PDGFD: variants seen among roughly 807,000 people sequenced by gnomAD.
PDGFD encodes the protein platelet-derived growth factor D.
In PDGFD, 30 loss-of-function variants were observed where a neutral mutation model predicts 44.7. The ratio of observed to expected loss-of-function variants is 0.67; its 90% CI spans 0.50 to 0.91. PDGFD has a LOEUF of 0.91. Among genes scored for constraint, PDGFD ranks in the 40% least tolerant of loss-of-function variants. The probability of loss-of-function intolerance (pLI) is 0.00; values close to 1 mark genes in which losing one functional copy is unlikely to be tolerated. For missense variants in PDGFD, 445 were observed against 457.8 expected (o/e 0.97, Z 0.25); for synonymous variants, 173 against 168.4 (o/e 1.03, Z -0.21).
intron 1 of PDGFD, among the ~76,000 whole-genome samples, chr11:104,023,104 T>C (rs371368695): frequency 2.1e-4 from 32 of 152,170 alleles, no homozygotes; most frequent in Non-Finnish European, 4.3e-4. Context: ...CAGGGTGAAA[T>C]GTTCCACTTT....
intron 1 of PDGFD, among the ~76,000 whole-genome samples, chr11:104,084,899 A>G (rs1861107268): frequency 7.1e-6 from 1 of 141,576 alleles, no homozygotes; most frequent in Admixed American, 7.0e-5. Flanking sequence ...AACATGTAAT[A>G]CAATGTATAT....
At chr11:103,943,004 G>A (rs940624165) in intron 5 of PDGFD, among the ~76,000 whole-genome samples, 19 of 151,920 alleles carry the variant, frequency 1.3e-4, no homozygotes, top group African/African-American at 4.8e-5. Context: ...TATCTTTCAC[G>A]GGACCAAACC....
chr11:104,008,288 T>C (rs368303131), intron 1 of PDGFD, among the ~76,000 whole-genome samples: 2 of 148,708 alleles, frequency 1.3e-5, no homozygotes, highest in Non-Finnish European at 3.0e-5. Context: ...ATAGATAAGA[T>C]TAAACAATGC....
At chr11:103,956,745 A>G (rs1330717644) in intron 3 of PDGFD, among the ~76,000 whole-genome samples, 2 of 151,966 alleles carry the variant, frequency 1.3e-5, no homozygotes, top group Non-Finnish European at 2.9e-5. Context: ...CTTTTTAATG[A>G]TTGCCATTCT....
chr11:104,057,430 A>G (rs1339167892), intron 1 of PDGFD, among the ~76,000 whole-genome samples: 3 of 152,176 alleles, frequency 2.0e-5, no homozygotes, highest in Non-Finnish European at 2.9e-5. Context: ...AGGAACAGAA[A>G]AACAAATACC....
chr11:104,070,907 C>T (rs1230049201), intron 1 of PDGFD, among the ~76,000 whole-genome samples: 5 of 152,010 alleles, frequency 3.3e-5, no homozygotes, highest in African/African-American at 4.8e-5. Context: ...GAATAAATTT[C>T]TGACAAACAG....
chr11:104,060,912 A>T (rs1860703996), intron 1 of PDGFD, among the ~76,000 whole-genome samples: 1 of 152,194 alleles, frequency 6.6e-6, no homozygotes, highest in Non-Finnish European at 1.5e-5. Flanking sequence ...TATTAATTAC[A>T]TTTACAATGT....
intron 1 of PDGFD, among the ~76,000 whole-genome samples, chr11:104,103,016 C>G (rs1275651453): frequency 6.6e-6 from 1 of 152,112 alleles, no homozygotes; most frequent in African/African-American, 2.4e-5. Flanking sequence ...CAACAAGGCA[C>G]ATGTATACAT....
intron 1 of PDGFD, among the ~76,000 whole-genome samples, chr11:104,041,124 C>T (rs1378315304): frequency 1.3e-5 from 2 of 151,992 alleles, no homozygotes; most frequent in African/African-American, 4.8e-5. Flanking sequence ...GTAGGCAGGA[C>T]TCAGAATATA....
intron 1 of PDGFD, among the ~76,000 whole-genome samples, chr11:104,114,224 G>C (rs1184372982): frequency 6.6e-6 from 1 of 151,878 alleles, no homozygotes; most frequent in Non-Finnish European, 1.5e-5. Context: ...TTAGAATTTT[G>C]CATTTTACAT....
At chr11:104,151,017 T>C (rs1862236691) in intron 1 of PDGFD, among the ~76,000 whole-genome samples, 1 of 152,184 alleles carries the variant, frequency 6.6e-6, no homozygotes, top group Non-Finnish European at 1.5e-5. Context: ...TATATAACAT[T>C]TTGCAATTTT....
chr11:104,062,733 G>A (rs1860733674), intron 1 of PDGFD, among the ~76,000 whole-genome samples: 1 of 152,076 alleles, frequency 6.6e-6, no homozygotes, highest in Non-Finnish European at 1.5e-5. Flanking sequence ...ACTTCCTGGC[G>A]ACAAACAGGG....
intron 5 of PDGFD, among the ~76,000 whole-genome samples, chr11:103,931,636 G>C (rs867844922): frequency 6.6e-6 from 1 of 152,010 alleles, no homozygotes; most frequent in Admixed American, 6.6e-5. Context: ...GCCCAGGCTG[G>C]AGTGCAGTGG....
In PDGFD at chr11:104,114,867, T is replaced by C. The variant is rs895916997; in HGVS notation, c.124+48937A>G. On this transcript the variant is annotated intron_variant, in intron 1 of 6. Coordinates refer to ENST00000393158, the MANE Select transcript of PDGFD (RefSeq NM_025208.5). ...TTTTGGGAAGTGCTAATTTAAATCA[T>C]AACATTTTTAGGTTTTTTTTTTTGT... is the stretch of plus-strand genomic sequence containing the variant. Among the ~76,000 whole-genome samples, 6 of 151,356 alleles carry C rather than the reference T, an allele frequency of 4.0e-5. No homozygotes were observed. The East Asian group carries it at 1.2e-3, about 30-fold the overall frequency.
chr11:104,157,461 A>G (rs768854281), intron 1 of PDGFD, among the ~76,000 whole-genome samples: 9 of 152,166 alleles, frequency 5.9e-5, no homozygotes. Flanking sequence ...CATAATGGCC[A>G]AGCTCCCTTA....
At chr11:104,138,666 T>C (rs896274786) in intron 1 of PDGFD, among the ~76,000 whole-genome samples, 2 of 152,214 alleles carry the variant, frequency 1.3e-5, no homozygotes, top group Admixed American at 6.5e-5. Flanking sequence ...CAGATGCACA[T>C]CTTCAGTTCA....
chr11:104,037,045 C>G, intron 1 of PDGFD: 1 of 1,614,260 alleles, frequency 6.2e-7, no homozygotes, highest in Non-Finnish European at 8.5e-7. Flanking sequence ...CGTGGTTTTA[C>G]TGCAGAAGGA....
chr11:104,033,201 T>C (rs1476157333), intron 1 of PDGFD, among the ~76,000 whole-genome samples: 1 of 152,072 alleles, frequency 6.6e-6, no homozygotes, highest in African/African-American at 2.4e-5. Flanking sequence ...CAAATCATGC[T>C]GGGTAAAATG....
intron 3 of PDGFD, among the ~76,000 whole-genome samples, chr11:103,976,954 T>C (rs1859193856): frequency 6.6e-6 from 1 of 151,440 alleles, no homozygotes; most frequent in Admixed American, 6.6e-5. Context: ...GTCAGAATAA[T>C]AAAGAAGAAA....
Sources: gnomAD v4.1 joint callset for allele counts (sites outside exome capture counted in the v4.1 genomes callset) on GRCh38, gnomAD v4.1.1 for gene constraint, MANE v1.5 for transcripts, NCBI Gene and HGNC (gene_info 2026-07-23, HGNC 2026-07-21) for gene names.